Variants in PKIB observed in about 807,000 individuals in gnomAD.
PKIB encodes the protein PKI-beta.
A neutral mutation model predicts 4.5 loss-of-function variants in PKIB; 2 were observed. That is an observed-to-expected ratio of 0.44 (90% CI 0.18 to 1.39). The LOEUF (loss-of-function observed/expected upper bound fraction) is 1.39. Among genes scored for constraint, PKIB ranks in the 40% most tolerant of loss-of-function variants. The pLI, the probability that PKIB is intolerant of heterozygous loss-of-function variation, is 0.27. For missense variants in PKIB, 94 were observed against 92.6 expected (o/e 1.02, Z -0.06); for synonymous variants, 38 against 36.0 (o/e 1.06, Z -0.20).
chr6:122,663,108 T>C (rs1340267380), intron 2 of PKIB, among the ~76,000 whole-genome samples: 2 of 152,324 alleles, frequency 1.3e-5, no homozygotes, highest in East Asian at 3.9e-4. Flanking sequence ...ATTGTGGTGA[T>C]AGCTTGATAT....
At chr6:122,590,962 G>T (rs984280018) in intron 3 of PKIB, among the ~76,000 whole-genome samples, 1 of 151,916 alleles carries the variant, frequency 6.6e-6, no homozygotes. Context: ...CAGTTGTGTG[G>T]TTTCTTTAGA....
intron 3 of PKIB, among the ~76,000 whole-genome samples, chr6:122,599,254 G>A (rs577033184): frequency 1.3e-5 from 2 of 152,256 alleles, no homozygotes; most frequent in South Asian, 4.1e-4. Flanking sequence ...TGCCACTACT[G>A]GGGATGGGGA....
chr6:122,499,227 A>T (rs987353312), intron 2 of PKIB, among the ~76,000 whole-genome samples: 1 of 152,156 alleles, frequency 6.6e-6, no homozygotes, highest in African/African-American at 2.4e-5. Flanking sequence ...AGCGAGCATC[A>T]CTCTGATATT....
intron 2 of PKIB, among the ~76,000 whole-genome samples, chr6:122,669,372 C>A (rs1323817622): frequency 1.3e-5 from 2 of 152,084 alleles, no homozygotes; most frequent in Non-Finnish European, 1.5e-5. Flanking sequence ...ATTAGATTCC[C>A]TTTAAATTTG....
rs183926709 is a variant in PKIB, at chr6:122,514,123, A to G, written c.-248+36184A>G. Among the ~76,000 whole-genome samples, 579 of 152,354 alleles carry G rather than the reference A, an allele frequency of 3.8e-3. 1 individual carries two copies. Among genetic ancestry groups the G allele is most frequent in the African/African-American group, 0.013 (543 of 41,590 alleles). On this transcript the variant is annotated intron_variant, in intron 2 of 6. Coordinates refer to the PKIB transcript ENST00000392491. ...ACTCAGAGGCAAATCCAGGAATTCT[A>G]AAAGGAACAGATTCCAGGGATGAAT... is the stretch of plus-strand genomic sequence containing the variant.
chr6:122,701,455 A>G (rs1035937616), intron 3 of PKIB: 2 of 1,586,392 alleles, frequency 1.3e-6, no homozygotes, highest in Admixed American at 1.8e-5. Context: ...AGCTTCAGAG[A>G]TCACCTGCCA....
chr6:122,498,162 C>A (rs1194451603), intron 2 of PKIB, among the ~76,000 whole-genome samples: 1 of 152,106 alleles, frequency 6.6e-6, no homozygotes, highest in Non-Finnish European at 1.5e-5. Flanking sequence ...TGAGACTAGG[C>A]AATTTACAAA....
intron 3 of PKIB, among the ~76,000 whole-genome samples, chr6:122,679,489 C>T (rs1777815596): frequency 6.6e-6 from 1 of 152,120 alleles, no homozygotes; most frequent in East Asian, 1.9e-4. Flanking sequence ...AGGCAGGAAA[C>T]TCAGTGAAGA....
chr6:122,506,193 C>T (rs1682096805), intron 2 of PKIB, among the ~76,000 whole-genome samples: 2 of 151,764 alleles, frequency 1.3e-5, no homozygotes, highest in Admixed American at 1.3e-4. Context: ...GTTTTTTCAC[C>T]AAATGTGAAA....
intron 1 of PKIB, among the ~76,000 whole-genome samples, chr6:122,627,070 TA>T (rs60344840): frequency 0.94 from 101,923 of 108,326 alleles, 48,060 homozygotes; most frequent in East Asian, 0.97. Flanking sequence ...CCGTCTCTAC[TA>T]AAAAAAAAAA....
rs191033258 is a variant in PKIB, at chr6:122,579,231, A to G, written c.-247-6690A>G. ...AATGACTTCCTTATAGTCTTCTTAC[A>G]TTCTAATAAAACTGGCCTTTCCACT... is the stretch of plus-strand genomic sequence containing the variant. On this transcript the variant is annotated intron_variant, in intron 2 of 6. Coordinates refer to the PKIB transcript ENST00000392491. Among the ~76,000 whole-genome samples the G allele has an allele frequency of 2.3e-3, 351 of 152,266 alleles. 6 individuals are homozygous for G. The highest frequency in any genetic ancestry group is 4.4e-3 in the South Asian group (21 of 4,818).
chr6:122,587,640 C>T (rs1773891540), intron 3 of PKIB, among the ~76,000 whole-genome samples: 1 of 152,164 alleles, frequency 6.6e-6, no homozygotes, highest in Non-Finnish European at 1.5e-5. Flanking sequence ...TACAGCCCCA[C>T]CAACAGTGTA....
chr6:122,602,231 C>T (rs1465391238), intron 3 of PKIB, among the ~76,000 whole-genome samples: 1 of 152,124 alleles, frequency 6.6e-6, no homozygotes, highest in Non-Finnish European at 1.5e-5. Flanking sequence ...TATGGCTGAA[C>T]CCAAATAGTG....
At chr6:122,478,158 T>G (rs1738474910) in intron 2 of PKIB, 1 of 152,148 alleles carries the variant, frequency 6.6e-6, no homozygotes, top group South Asian at 2.1e-4. Flanking sequence ...CTTATGGGTC[T>G]GTCCCTTTCC....
chr6:122,646,322 A>G (rs1469255112), intron 2 of PKIB, among the ~76,000 whole-genome samples: 1 of 152,172 alleles, frequency 6.6e-6, no homozygotes, highest in Non-Finnish European at 1.5e-5. Flanking sequence ...TTATTTGGGA[A>G]TGCCCTACAT....
chr6:122,558,430 AC>A (rs1772911451), intron 2 of PKIB, among the ~76,000 whole-genome samples: 1 of 152,204 alleles, frequency 6.6e-6, no homozygotes, highest in Non-Finnish European at 1.5e-5. Context: ...TGTGGATTCT[AC>A]TAGTGAAAGG....
At chr6:122,510,586 T>C (rs554166160) in intron 2 of PKIB, among the ~76,000 whole-genome samples, 1 of 152,326 alleles carries the variant, frequency 6.6e-6, no homozygotes, top group African/African-American at 2.4e-5. Flanking sequence ...AGGCTCCCAT[T>C]GGTTGAATTA....
intron 3 of PKIB, among the ~76,000 whole-genome samples, chr6:122,589,349 C>G (rs1773949541): frequency 6.6e-6 from 1 of 151,982 alleles, no homozygotes; most frequent in Non-Finnish European, 1.5e-5. Context: ...GTGTGTACAA[C>G]ACATAGCCAT....
intron 3 of PKIB, among the ~76,000 whole-genome samples, chr6:122,688,844 G>A (rs1267784341): frequency 2.7e-5 from 4 of 150,040 alleles, no homozygotes; most frequent in African/African-American, 7.4e-5. Context: ...GCAGTGGCGC[G>A]ATCTCGGCTC....
Sources: gnomAD v4.1 joint callset for allele counts (sites outside exome capture counted in the v4.1 genomes callset) on GRCh38, gnomAD v4.1.1 for gene constraint, MANE v1.5 for transcripts, NCBI Gene and HGNC (gene_info 2026-07-23, HGNC 2026-07-21) for gene names.